Variants in FLVCR2 observed in about 807,000 individuals in gnomAD.
The protein encoded by FLVCR2 is choline/ethanolamine transporter FLVCR2.
In FLVCR2, 38 loss-of-function variants were observed where a neutral mutation model predicts 48.9. That is an observed-to-expected ratio of 0.78 (90% CI 0.60 to 1.02). The LOEUF (loss-of-function observed/expected upper bound fraction) is 1.02. Ranked by LOEUF, FLVCR2 falls within the 50% of genes least tolerant of loss-of-function variation. The pLI is 0.00. For missense variants in FLVCR2, 664 were observed against 663.3 expected (o/e 1.00, Z -0.01); for synonymous variants, 255 against 257.0 (o/e 0.99, Z 0.07).
rs546121455 is a variant in FLVCR2 at position 75,591,838 on chromosome 14, G to T, written c.669+12197G>T. 5.1e-3 allele frequency among the ~76,000 whole-genome samples: 618 copies of T among 120,568 alleles called. 5 individuals carry two copies. The highest frequency in any genetic ancestry group is 0.017 in the African/African-American group (512 of 29,860). 79.1% of individuals were successfully genotyped at this position (120,568 alleles called of 152,430 possible). The stretch of plus-strand genomic sequence containing the variant: ...TTTTTTTTTTTTTTTTTTTGACAAA[G>T]GGTCTTACTCTGTCACCCAGGCTGG... On this transcript the variant is annotated intron_variant, in intron 1 of 9. Transcript: ENST00000238667.
In FLVCR2 at chr14:75,622,199, C is replaced by G; in HGVS notation, c.790C>G (p.Leu264Val). ...TATAATAGGAGGTGTGGCCACTCTC[C>G]TCCTCATCCTTGTCATCATTGGTAA... ...FYIIGGVATL[L>V]LILVIIVFKE... The change falls in exon 2 of 10, where the codon CTC (leucine) becomes GTC (valine). Residue 264 changes from leucine (L) to valine (V), a missense_variant. Transcript: ENST00000238667. 6.2e-7 allele frequency: 1 copy of G among 1,614,068 alleles called. No homozygotes were observed.
chr14:75,585,073 G>A (rs1339877849), intron 1 of FLVCR2, among the ~76,000 whole-genome samples: 11 of 152,134 alleles, frequency 7.2e-5, no homozygotes, highest in Admixed American at 7.2e-4. Flanking sequence ...ATTGGGGCCT[G>A]GCTCAGCCTG....
intron 1 of FLVCR2, among the ~76,000 whole-genome samples, chr14:75,592,572 G>C (rs765525974): frequency 6.6e-6 from 1 of 152,142 alleles, no homozygotes; most frequent in Non-Finnish European, 1.5e-5. Flanking sequence ...ACTTGGCCAG[G>C]CTGCAAATTT....
chr14:75,598,871 C>T (rs570730792), intron 1 of FLVCR2, among the ~76,000 whole-genome samples: 3 of 152,330 alleles, frequency 2.0e-5, no homozygotes, highest in Admixed American at 1.3e-4. Flanking sequence ...TCCAGACCTC[C>T]GCTCCCCACC....
intron 1 of FLVCR2, among the ~76,000 whole-genome samples, chr14:75,602,242 C>G: frequency 6.6e-6 from 1 of 152,200 alleles, no homozygotes; most frequent in East Asian, 1.9e-4. Flanking sequence ...CCCCTCCCCT[C>G]CCTGGAGTGG....
chr14:75,604,986 G>A (rs548514239), intron 1 of FLVCR2, among the ~76,000 whole-genome samples: 1 of 152,346 alleles, frequency 6.6e-6, no homozygotes, highest in Admixed American at 6.5e-5. Context: ...CCCTATGCCT[G>A]TGCACAAGAC....
intron 3 of FLVCR2, chr14:75,631,911 A>C (rs1335849785): frequency 4.0e-5 from 18 of 451,524 alleles, no homozygotes; most frequent in Non-Finnish European, 3.1e-5. Flanking sequence ...TCAGCCTGTC[A>C]GTTGTAGTGA....
intron 1 of FLVCR2, among the ~76,000 whole-genome samples, chr14:75,582,091 G>A (rs1352164468): frequency 6.6e-6 from 1 of 152,200 alleles, no homozygotes. Context: ...TGTAATGCTA[G>A]CTGCTTCTTT....
In FLVCR2 at chr14:75,579,622, T is replaced by C. The variant is rs1888545529; in HGVS notation, c.650T>C (p.Val217Ala). 6.2e-7 allele frequency: 1 copy of C among 1,614,160 alleles called. No individual in the cohort carries two copies. Among genetic ancestry groups the C allele is most frequent in the Non-Finnish European group, 8.5e-7 (1 of 1,180,028 alleles). The change falls in exon 1 of 10, where the codon GTG becomes GCG. Residue 217 changes from valine to alanine, a missense_variant. By Grantham distance (64) the Val-to-Ala change is moderately conservative. Coordinates refer to ENST00000238667, the MANE Select transcript of FLVCR2 (RefSeq NM_017791.3). ...AATGAGGTTTCAACAGCCTGCTCCGTGGCTGTCTTTGGCAATCAGGTAGGT... is the reference window on the plus strand; with the variant it reads ...AATGAGGTTTCAACAGCCTGCTCCGCGGCTGTCTTTGGCAATCAGGTAGGT... ...GANEVSTACS[V>A]AVFGNQLGIA... is the part of the protein sequence containing the mutation.
Position 75,634,951 on chromosome 14 carries a change from C to T in FLVCR2, c.1062C>T (p.Val354=). The part of the protein sequence containing the change: ...VNAGRIGLTI[V]IAGMLGAVIS... ...CTGGAAGAATTGGCCTGACGATCGTCATTGCAGGAATGCTTGGGGCTGTGA... is the reference window on the plus strand; with the variant it reads ...CTGGAAGAATTGGCCTGACGATCGTTATTGCAGGAATGCTTGGGGCTGTGA... The change falls in exon 5 of 10, where the codon GTC becomes GTT. Residue 354 remains valine (V), a synonymous_variant. Transcript: ENST00000238667. 6.2e-7 allele frequency: 1 copy of T among 1,614,072 alleles called. No individual in the cohort carries two copies. The highest frequency in any genetic ancestry group is 8.5e-7 in the Non-Finnish European group (1 of 1,179,962).
chr14:75,583,732 G>A (rs1399166277), intron 1 of FLVCR2, among the ~76,000 whole-genome samples: 1 of 152,172 alleles, frequency 6.6e-6, no homozygotes, highest in Non-Finnish European at 1.5e-5. Flanking sequence ...GAGCTGGGGA[G>A]TTTTAAGAGG....
rs1566784735 is a variant in FLVCR2 at position 75,595,986 on chromosome 14, A to T, written c.669+16345A>T. ...TGCATAATCCAGGGGATCATAAATC[A>T]TGCCAAAGCCGGTTGTCTTGCCACC... On this transcript the variant is annotated intron_variant, in intron 1 of 9. Transcript: ENST00000238667. 12 of 1,516,788 alleles carry T rather than the reference A, an allele frequency of 7.9e-6. No individual in the cohort carries two copies. In the East Asian group the frequency reaches 2.3e-4, roughly 28 times the overall value. 94.0% of individuals were successfully genotyped at this position (1,516,788 alleles called of 1,614,324 possible).
At chr14:75,595,096 G>T (rs1050395920) in intron 1 of FLVCR2, among the ~76,000 whole-genome samples, 1 of 152,146 alleles carries the variant, frequency 6.6e-6, no homozygotes, top group Non-Finnish European at 1.5e-5. Context: ...GATTCTGGGG[G>T]ACACATTCAA....
In FLVCR2 at chr14:75,593,770, T is replaced by C. The variant is rs1021083816; in HGVS notation, c.669+14129T>C. The stretch of plus-strand genomic sequence containing the variant: ...AAATGTCTTCAGGGTTTTTCTCTCA[T>C]TGTCTTGATGAATAGGCCTGGTTGC... On this transcript the variant is annotated intron_variant, in intron 1 of 9. Transcript: ENST00000238667. Among the ~76,000 whole-genome samples the C allele has an allele frequency of 2.6e-5, 4 of 152,354 alleles. No homozygotes were observed. The East Asian group carries it at 7.7e-4, about 29-fold the overall frequency.
At chr14:75,631,662 G>T (rs1890041013) in intron 3 of FLVCR2, 1 of 429,270 alleles carries the variant, frequency 2.3e-6, no homozygotes, top group African/African-American at 2.0e-5. Flanking sequence ...GCAGTATCAG[G>T]CTAGGGCAGG....
intron 3 of FLVCR2, among the ~76,000 whole-genome samples, chr14:75,627,711 G>T (rs1889939703): frequency 6.6e-6 from 1 of 152,236 alleles, no homozygotes; most frequent in African/African-American, 2.4e-5. Flanking sequence ...CAGGGCATTT[G>T]TTGAAAACAG....
At chr14:75,582,531 T>C (rs1594787500) in intron 1 of FLVCR2, among the ~76,000 whole-genome samples, 1 of 151,812 alleles carries the variant, frequency 6.6e-6, no homozygotes, top group African/African-American at 2.4e-5. Flanking sequence ...ATTAGGGCAG[T>C]GGCGGCTGCC....
intron 1 of FLVCR2, chr14:75,605,555 G>A (rs1485470742): frequency 2.0e-6 from 3 of 1,535,954 alleles, no homozygotes; most frequent in Non-Finnish European, 1.7e-6. Flanking sequence ...AATTCAAGAC[G>A]CAGCCTTGTC....
intron 1 of FLVCR2, among the ~76,000 whole-genome samples, chr14:75,593,102 C>A (rs572019347): frequency 1.3e-5 from 2 of 152,188 alleles, no homozygotes; most frequent in South Asian, 4.1e-4. Flanking sequence ...TTTTTCTGAG[C>A]CCTCATCAAA....
Sources: gnomAD v4.1 joint callset for allele counts (sites outside exome capture counted in the v4.1 genomes callset) on GRCh38, gnomAD v4.1.1 for gene constraint, MANE v1.5 for transcripts, NCBI Gene and HGNC (gene_info 2026-07-23, HGNC 2026-07-21) for gene names.